AP2A2: variants seen among roughly 807,000 people sequenced by gnomAD.
AP2A2 encodes the protein AP-2 complex subunit alpha-2.
A neutral mutation model predicts 104.2 loss-of-function variants in AP2A2; 32 were observed. That is an observed-to-expected ratio of 0.31 (90% CI 0.23 to 0.41). The LOEUF (loss-of-function observed/expected upper bound fraction) is 0.41, where lower values mean the gene tolerates loss of function less well. Ranked by LOEUF, AP2A2 falls within the 10% of genes least tolerant of loss-of-function variation. The pLI is 1.00. For missense variants in AP2A2, 912 were observed against 1,261.0 expected, an observed-to-expected ratio of 0.72 and a Z score of 4.19; for synonymous variants, 539 against 533.3, an observed-to-expected ratio of 1.01 and a Z score of -0.15.
intron 15 of AP2A2, among the ~76,000 whole-genome samples, chr11:1,001,876 G>A (rs1046147787): frequency 1.3e-5 from 2 of 152,144 alleles, no homozygotes; most frequent in Admixed American, 6.6e-5. Context: ...GCCAGGCCTC[G>A]GGGCTCTTGT....
In AP2A2 at chr11:1,010,927, C is replaced by A; in HGVS notation, c.*302C>A. 1 of 705,094 alleles carries A rather than the reference C, an allele frequency of 1.4e-6. No homozygotes were observed. The highest frequency in any genetic ancestry group is 2.6e-6 in the Non-Finnish European group (1 of 388,034). The allele number at this position is 705,094 out of a possible 1,614,324, so 43.7% of individuals were successfully genotyped here. A position where few individuals can be genotyped will look rare whatever the true frequency, so the allele number is the denominator to read the frequency against. ...AAATTAAAGGGAAATTAGAAGTTGG[C>A]GTGAACGTGGCGTTTGTGGGAGTGT... On this transcript the variant is annotated 3_prime_UTR_variant, in exon 22 of 22. Coordinates refer to ENST00000448903, the MANE Select transcript of AP2A2 (RefSeq NM_012305.4).
In AP2A2 at chr11:993,398, G is replaced by A. The variant is rs536241471; in HGVS notation, c.1550+17G>A. On this transcript the variant is annotated intron_variant, in intron 12 of 21. Transcript: ENST00000448903. This position sits in a 1 kb window ranked among gnomAD's most constrained non-coding sequence, Gnocchi z 8.2. ...GAGATCCAGGTGAGAGGCCCTTTGC[G>A]AGTCGGGGCTGTGTGCGCTCCGGCG... The A allele has an allele frequency of 5.0e-5, 80 of 1,593,002 alleles. No homozygotes were observed. Among genetic ancestry groups the A allele is most frequent in the African/African-American group, 6.8e-5 (5 of 73,862 alleles).
rs1483804209 is a variant in AP2A2, at chr11:992,478, G to A, written c.1270-25G>A. The A allele has an allele frequency of 1.3e-6, 2 of 1,563,414 alleles. No homozygotes were observed. Among genetic ancestry groups the A allele is most frequent in the East Asian group, 2.4e-5 (1 of 41,872 alleles). On this transcript the variant is annotated intron_variant, in intron 10 of 21. Transcript: ENST00000448903. The surrounding 1 kb of genome is among the most constrained non-coding windows in gnomAD (Gnocchi z 6.4). Reference sequence around the variant, plus strand: ...GGATTGCCATGGCCTGCAGGTGCCGGCCCTCAGCAGCCTGTCCCCCACAGG... The same window carrying A: ...GGATTGCCATGGCCTGCAGGTGCCGACCCTCAGCAGCCTGTCCCCCACAGG...
Position 1,010,862 on chromosome 11 carries a change from A to G in AP2A2, c.*237A>G. ...CGGCAGAAGGTGGATCTTGGGATCA[A>G]TTTTTATAAAAATCGAGACAGTTCT... On this transcript the variant is annotated 3_prime_UTR_variant, in exon 22 of 22. Transcript: ENST00000448903. 4.7e-6 allele frequency: 3 copies of G among 631,654 alleles called. No individual in the cohort carries two copies. The highest frequency in any genetic ancestry group is 1.9e-5 in the South Asian group (1 of 53,938). The allele number at this position is 631,654 out of a possible 1,614,324, so 39.1% of individuals were successfully genotyped here.
At position 967,200 on chromosome 11, in the gene AP2A2, G is replaced by A. The variant is rs149484130; in HGVS notation, c.137-2969G>A. Among the ~76,000 whole-genome samples the A allele has an allele frequency of 3.2e-3, 489 of 152,118 alleles. 1 individual carries two copies. The highest frequency in any genetic ancestry group is 0.011 in the African/African-American group (474 of 41,520). On this transcript the variant is annotated intron_variant, in intron 2 of 21. Transcript: ENST00000448903. The stretch of plus-strand genomic sequence containing the variant: ...AACAAAAATAACCAAGCAGGTTTCA[G>A]TCATTATGAGGTAGACATTTTGTCA...
At position 1,010,975 on chromosome 11, in the gene AP2A2, G is replaced by A. The variant is rs780319611; in HGVS notation, c.*350G>A. ...TGTCACTGAGATGGCCCGTGCTGCC[G>A]CCCACCCCGCCTCGGAGCCTCTGGG... On this transcript the variant is annotated 3_prime_UTR_variant, in exon 22 of 22. Coordinates refer to ENST00000448903, the MANE Select transcript of AP2A2 (RefSeq NM_012305.4). 33 of 717,946 alleles carry A rather than the reference G, an allele frequency of 4.6e-5. No individual in the cohort carries two copies. Among genetic ancestry groups the A allele is most frequent in the Non-Finnish European group, 7.7e-5 (30 of 388,820 alleles). 44.5% of individuals were successfully genotyped at this position (717,946 alleles called of 1,614,324 possible). A position where few individuals can be genotyped will look rare whatever the true frequency, so the allele number is the denominator to read the frequency against.
chr11:1,010,404 G>C, intron 21 of AP2A2, 144 bp from the exon 22 acceptor site: 1 of 641,062 alleles, frequency 1.6e-6, no homozygotes, highest in Non-Finnish European at 2.7e-6. Flanking sequence ...CAGTGTGTGT[G>C]GTGCTCAGGC....
Position 1,000,474 on chromosome 11 carries a change from G to T in AP2A2, c.1999G>T (p.Ala667Ser). Residue 667 changes from alanine (A) to serine (S), a missense_variant, in exon 15 of 22, where the codon GCC becomes TCC. Ala to Ser is a moderately conservative substitution (Grantham distance 99). Transcript: ENST00000448903. ...GGCAGACCTGCTGGGTCTCGGGGCT[G>T]CCCCCCCTGCCCCCGCGGGCCCCCC... Reference protein sequence around the residue: ...PSADLLGLGAAPPAPAGPPPS... With the variant: ...PSADLLGLGASPPAPAGPPPS... The T allele has an allele frequency of 6.5e-7, 1 of 1,539,946 alleles. No individual in the cohort carries two copies. Among genetic ancestry groups the T allele is most frequent in the Non-Finnish European group, 8.7e-7 (1 of 1,146,930 alleles).
intron 3 of AP2A2, 126 bp downstream of exon 3, chr11:970,437 T>C: frequency 8.0e-7 from 1 of 1,250,864 alleles, no homozygotes; most frequent in Non-Finnish European, 1.1e-6. Context: ...GTGGGTCTGC[T>C]GCAGATGGAG....
At position 1,011,049 on chromosome 11, in the gene AP2A2, C is replaced by T. The variant is rs756027217; in HGVS notation, c.*424C>T. 1.6e-5 allele frequency: 10 copies of T among 643,088 alleles called. No individual in the cohort carries two copies. Among genetic ancestry groups the T allele is most frequent in the East Asian group, 3.3e-5 (1 of 30,604 alleles). The allele number at this position is 643,088 out of a possible 1,614,324, so 39.8% of individuals were successfully genotyped here. ...CGTGGGCTGAGCCTTGGTGTGTGGC[C>T]GTCCTGGTGGCTGCACACCTGGCGT... On this transcript the variant is annotated 3_prime_UTR_variant, in exon 22 of 22. Transcript: ENST00000448903.
At chr11:934,982 C>T (rs962623428) in intron 1 of AP2A2, among the ~76,000 whole-genome samples, 2 of 151,820 alleles carry the variant, frequency 1.3e-5, no homozygotes, top group Non-Finnish European at 2.9e-5. Context: ...CCTCAGCCTC[C>T]GGAGTAGCTG....
At chr11:1,004,072 A>G (rs978931654) in intron 16 of AP2A2, among the ~76,000 whole-genome samples, 11 of 152,076 alleles carry the variant, frequency 7.2e-5, no homozygotes, top group African/African-American at 2.7e-4. Flanking sequence ...TCCAGGGAAA[A>G]TACAGGAATG....
intron 1 of AP2A2, among the ~76,000 whole-genome samples, chr11:935,115 G>A (rs573800500): frequency 6.7e-6 from 1 of 150,010 alleles, no homozygotes; most frequent in East Asian, 2.0e-4. Flanking sequence ...GTGCAGTGGT[G>A]CGATCTCTGC....
chr11:993,512 CT>C lies in AP2A2; in HGVS notation c.1550+136del. The stretch of plus-strand genomic sequence containing the variant: ...AGCCGCTTCTGCTCCCCATCGGCGT[CT>C]TTTTGTTTTCCTTCAGTTGATAGAA... On this transcript the variant is annotated intron_variant, in intron 12 of 21. Transcript: ENST00000448903. This position sits in a 1 kb window ranked among gnomAD's most constrained non-coding sequence, Gnocchi z 8.2. The C allele has an allele frequency of 1.4e-6, 1 of 714,152 alleles. No individual in the cohort carries two copies. The highest frequency in any genetic ancestry group is 2.2e-6 in the Non-Finnish European group (1 of 452,580). 44.2% of individuals were successfully genotyped at this position (714,152 alleles called of 1,614,324 possible).
At chr11:972,966 C>T (rs1854886292) in intron 4 of AP2A2, among the ~76,000 whole-genome samples, 1 of 152,246 alleles carries the variant, frequency 6.6e-6, no homozygotes, top group Non-Finnish European at 1.5e-5. Flanking sequence ...TGGAGAGAAG[C>T]CTCGAGGGGC....
At chr11:1,006,055 CAGCCGGGT>C (rs1247383528) in intron 16 of AP2A2, among the ~76,000 whole-genome samples, 1 of 152,266 alleles carries the variant, frequency 6.6e-6, no homozygotes, top group Admixed American at 6.5e-5. Context: ...GACGCGTGCC[CAGCCGGGT>C]CCCCTGACAG....
At position 1,000,483 on chromosome 11, in the gene AP2A2, GC is replaced by G; in HGVS notation, c.2013del (p.Ala672ArgfsTer64). The G allele has an allele frequency of 1.3e-6, 2 of 1,539,222 alleles. No individual in the cohort carries two copies. On this transcript the variant is annotated frameshift_variant, in exon 15 of 22. Transcript: ENST00000448903. LOFTEE classifies it high-confidence loss of function. The stretch of plus-strand genomic sequence containing the variant: ...GCTGGGTCTCGGGGCTGCCCCCCCT[GC>G]CCCCGCGGGCCCCCCACCCTCCTCC... The part of the protein sequence containing the change: ...DLLGLGAAPP[A>X]PAGPPPSSGG...
chr11:1,009,972 T>C, intron 21 of AP2A2, 155 bp downstream of exon 21: 1 of 942,986 alleles, frequency 1.1e-6, no homozygotes, highest in Non-Finnish European at 1.6e-6. Context: ...CCTCCCAGCC[T>C]CCCCGCAGCT....
At chr11:977,017 T>C in intron 4 of AP2A2, 78 bp from the exon 5 acceptor site, 2 of 1,587,764 alleles carry the variant, frequency 1.3e-6, no homozygotes, top group Non-Finnish European at 1.7e-6. Flanking sequence ...CGTCTCCTGC[T>C]GGCTCTGGGG....
Sources: allele counts gnomAD v4.1 joint callset (sites outside exome capture counted in the v4.1 genomes callset), GRCh38; gene constraint gnomAD v4.1.1; non-coding constraint Gnocchi (gnomAD v3.1); transcripts MANE v1.5; gene names NCBI Gene and HGNC (gene_info 2026-07-23, HGNC 2026-07-21).